DOCK5: variants seen among roughly 807,000 people sequenced by gnomAD.
The protein encoded by DOCK5 is dedicator of cytokinesis protein 5.
In DOCK5, 142 loss-of-function variants were observed where a neutral mutation model predicts 251.8. That is an observed-to-expected ratio of 0.56 (90% confidence interval 0.49 to 0.65). The LOEUF is 0.65. Among genes scored for constraint, DOCK5 ranks in the 30% least tolerant of loss-of-function variants. The pLI is 0.00. For missense variants in DOCK5, 2,111 were observed against 2,312.3 expected (o/e 0.91, Z 1.79); for synonymous variants, 842 against 835.5 (o/e 1.01, Z -0.13).
intron 1 of DOCK5, among the ~76,000 whole-genome samples, chr8:25,215,176 C>T (rs764211555): frequency 2.0e-5 from 3 of 152,140 alleles, no homozygotes; most frequent in Non-Finnish European, 4.4e-5. Flanking sequence ...CTAACAATGG[C>T]TCAGCTGGAC....
intron 13 of DOCK5, among the ~76,000 whole-genome samples, chr8:25,311,057 C>T (rs573270524): frequency 6.6e-6 from 1 of 152,228 alleles, no homozygotes; most frequent in South Asian, 2.1e-4. Flanking sequence ...TCTCCCTGTT[C>T]TTGTTGTGAC....
intron 10 of DOCK5, among the ~76,000 whole-genome samples, chr8:25,302,722 C>T (rs1345632376): frequency 6.6e-6 from 1 of 152,184 alleles, no homozygotes; most frequent in Non-Finnish European, 1.5e-5. Context: ...TGGAATAATA[C>T]TCGCCTTAAA....
At chr8:25,402,295 T>A (rs1011793011) in intron 47 of DOCK5, among the ~76,000 whole-genome samples, 1 of 151,058 alleles carries the variant, frequency 6.6e-6, no homozygotes. Context: ...ACCCAGCTAA[T>A]TTTTTTTTGT....
chr8:25,389,326 T>C, intron 41 of DOCK5, 94 bp downstream of exon 41: 1 of 1,452,644 alleles, frequency 6.9e-7, no homozygotes, highest in Non-Finnish European at 9.3e-7. Flanking sequence ...GTCCCTTCTC[T>C]GCAGACACAC....
intron 40 of DOCK5, among the ~76,000 whole-genome samples, chr8:25,386,723 T>A (rs1801170753): frequency 6.6e-6 from 1 of 152,222 alleles, no homozygotes; most frequent in African/African-American, 2.4e-5. Context: ...TATGCCTGCA[T>A]GTCCCATGAA....
chr8:25,411,581 C>T lies in DOCK5; in HGVS notation c.*283C>T, dbSNP rs1372412472. The T allele has an allele frequency of 9.3e-6, 3 of 322,970 alleles. No individual in the cohort carries two copies. The highest frequency in any genetic ancestry group is 4.3e-5 in the African/African-American group (2 of 46,434). 20.0% of individuals were successfully genotyped at this position (322,970 alleles called of 1,614,324 possible). A position where few individuals can be genotyped will look rare whatever the true frequency, so the allele number is the denominator to read the frequency against. ...GCCTTCACCATTGTTAAATGTCAGC[C>T]TGTACGGCAGAGACATGGTGGTCTG... On this transcript the variant is annotated 3_prime_UTR_variant, in exon 52 of 52. Transcript: ENST00000276440.
At chr8:25,402,040 T>G (rs1253180653) in intron 47 of DOCK5, among the ~76,000 whole-genome samples, 2 of 152,192 alleles carry the variant, frequency 1.3e-5, no homozygotes, top group Non-Finnish European at 2.9e-5. Context: ...CTCCAGTGAG[T>G]GATGGTGTAA....
intron 13 of DOCK5, among the ~76,000 whole-genome samples, chr8:25,311,361 G>T (rs1005010523): frequency 1.3e-5 from 2 of 151,538 alleles, no homozygotes; most frequent in African/African-American, 2.4e-5. Flanking sequence ...GGCAAAGATG[G>T]TGAAACCCCA....
intron 47 of DOCK5, among the ~76,000 whole-genome samples, chr8:25,401,593 G>A (rs1801439369): frequency 6.6e-6 from 1 of 152,106 alleles, no homozygotes; most frequent in Non-Finnish European, 1.5e-5. Context: ...AATTAGCTGG[G>A]CATGGCGTCA....
In DOCK5 at chr8:25,384,466, T is replaced by TATTTATTTATTTATTTA. The variant is rs111515435; in HGVS notation, c.4131+1688_4131+1689insATTTATTTATTTATTTA. ...TTATTTATTTATTTATTTATTTATT[T>TATTTATTTATTTATTTA]TTTTTTTTTTTGAGACAGTGTCTCG... is the stretch of plus-strand genomic sequence containing the variant. On this transcript the variant is annotated intron_variant, in intron 40 of 51. Transcript: ENST00000276440. 3.7e-3 allele frequency among the ~76,000 whole-genome samples: 483 copies of TATTTATTTATTTATTTA among 129,998 alleles called. 3 individuals carry two copies. Among genetic ancestry groups the TATTTATTTATTTATTTA allele is most frequent in the African/African-American group, 6.3e-3 (216 of 34,196 alleles). 85.3% of individuals were successfully genotyped at this position (129,998 alleles called of 152,430 possible). A position where few individuals can be genotyped will look rare whatever the true frequency, so the allele number is the denominator to read the frequency against.
intron 12 of DOCK5, 62 bp from the exon 13 acceptor site, chr8:25,310,345 G>A (rs956126072): frequency 6.7e-7 from 1 of 1,502,806 alleles, no homozygotes; most frequent in African/African-American, 1.4e-5. Flanking sequence ...CTTCTCACCA[G>A]TTACGCATGT....
chr8:25,329,209 G>A (rs1265658118), intron 18 of DOCK5, among the ~76,000 whole-genome samples: 3 of 151,928 alleles, frequency 2.0e-5, no homozygotes, highest in Non-Finnish European at 4.4e-5. Flanking sequence ...TTATAGTTTT[G>A]CCACATCTGT....
chr8:25,191,870 A>G (rs1404369246), intron 1 of DOCK5, among the ~76,000 whole-genome samples: 1 of 150,740 alleles, frequency 6.6e-6, no homozygotes, highest in African/African-American at 2.4e-5. Flanking sequence ...TGCACCCATT[A>G]ACTCGTCATT....
intron 13 of DOCK5, 53 bp downstream of exon 13, chr8:25,310,585 T>A: frequency 6.5e-7 from 1 of 1,532,364 alleles, no homozygotes; most frequent in Non-Finnish European, 8.8e-7. Flanking sequence ...AGCGATTATT[T>A]CTTATTGGAC....
At chr8:25,381,954 C>A (rs1427380207) in intron 39 of DOCK5, among the ~76,000 whole-genome samples, 2 of 152,050 alleles carry the variant, frequency 1.3e-5, no homozygotes, top group Non-Finnish European at 2.9e-5. Context: ...ATTTACCAGA[C>A]ACTTTCATCC....
intron 11 of DOCK5, among the ~76,000 whole-genome samples, chr8:25,308,396 C>A (rs935069677): frequency 5.3e-5 from 8 of 152,022 alleles, no homozygotes; most frequent in Non-Finnish European, 1.0e-4. Context: ...CCAAAGGGAG[C>A]CTCTTGCAGA....
intron 4 of DOCK5, among the ~76,000 whole-genome samples, chr8:25,277,644 TGG>T (rs1273741689): frequency 6.6e-6 from 1 of 152,132 alleles, no homozygotes; most frequent in Non-Finnish European, 1.5e-5. Flanking sequence ...CGGTGGGCCG[TGG>T]GCTGCCTCCA....
At chr8:25,330,614 C>T (rs1805660168) in intron 18 of DOCK5, among the ~76,000 whole-genome samples, 1 of 152,160 alleles carries the variant, frequency 6.6e-6, no homozygotes, top group African/African-American at 2.4e-5. Context: ...ATTACATTCT[C>T]TATGTGGCAT....
rs1048879635 is a variant in DOCK5, at chr8:25,278,779, C to G, written c.321+114C>G. The G allele has an allele frequency of 7.6e-6, 7 of 916,800 alleles. No homozygotes were observed. The Admixed American group carries it at 1.5e-4, about 19-fold the overall frequency. The allele number at this position is 916,800 out of a possible 1,614,324, so 56.8% of individuals were successfully genotyped here. A position where few individuals can be genotyped will look rare whatever the true frequency, so the allele number is the denominator to read the frequency against. On this transcript the variant is annotated intron_variant, in intron 5 of 51. Transcript: ENST00000276440. The stretch of plus-strand genomic sequence containing the variant: ...GACTTCATGGAGTGGGATGCATTCT[C>G]CCTGGATCACACAAAGGCTGATAAG...
Sources: allele counts gnomAD v4.1 joint callset (sites outside exome capture counted in the v4.1 genomes callset), GRCh38; gene constraint gnomAD v4.1.1; transcripts MANE v1.5; gene names NCBI Gene and HGNC (gene_info 2026-07-23, HGNC 2026-07-21).